Variants in PYGB observed in about 807,000 individuals in gnomAD.
PYGB encodes glycogen phosphorylase B, also known as glycogen phosphorylase, brain form.
PYGB carries 82 observed loss-of-function variants against 94.3 expected under a neutral mutation model. That is an observed-to-expected ratio of 0.87 (90% CI 0.73 to 1.04). The LOEUF (loss-of-function observed/expected upper bound fraction) is 1.04, where lower values mean the gene tolerates loss of function less well. PYGB is among the 50% of genes least tolerant of loss of function. The pLI is 0.00. For synonymous variants in PYGB, 488 were observed against 479.1 expected (o/e 1.02, Z -0.24); for missense variants, 1,132 against 1,158.2 (o/e 0.98, Z 0.33).
At chr20:25,278,902 C>G (rs1283819532) in intron 8 of PYGB, among the ~76,000 whole-genome samples, 155 bp from the exon 9 acceptor site, 1 of 149,690 alleles carries the variant, frequency 6.7e-6, no homozygotes, top group Non-Finnish European at 1.5e-5. Flanking sequence ...ACTGTCCTCC[C>G]TGCTCCCTCC....
intron 14 of PYGB, among the ~76,000 whole-genome samples, chr20:25,284,561 A>G (rs1012722246): frequency 2.0e-5 from 3 of 152,128 alleles, no homozygotes; most frequent in Non-Finnish European, 4.4e-5. Context: ...CAGTCCCCCA[A>G]GTAGCTGGGA....
In PYGB at chr20:25,288,430, AAG is replaced by A. The variant is rs1179338435; in HGVS notation, c.1780_1781del (p.Asp594ProfsTer40). On this transcript the variant is annotated frameshift_variant, in exon 15 of 20. Transcript: ENST00000216962. LOFTEE classifies it high-confidence loss of function. ...CTCTTCCGTGTGTCCTGCAGGAATCAAGAGAGACCCGGCCAAGGCTTTTGTGC... is the reference window on the plus strand; with the variant it reads ...CTCTTCCGTGTGTCCTGCAGGAATCAAGAGACCCGGCCAAGGCTTTTGTGC... ...LHVVTLYNRI[K>X]RDPAKAFVPR... The A allele has an allele frequency of 3.1e-6, 5 of 1,613,938 alleles. No homozygotes were observed. Among genetic ancestry groups the A allele is most frequent in the African/African-American group, 1.3e-5 (1 of 74,868 alleles).
intron 15 of PYGB, 37 bp from the exon 16 acceptor site, chr20:25,290,444 C>T: frequency 6.3e-7 from 1 of 1,593,040 alleles, no homozygotes. Context: ...CTGAACAAGG[C>T]ATTTTTGTGC....
At chr20:25,288,300 G>A (rs1224860872) in intron 14 of PYGB, 125 bp from the exon 15 acceptor site, 3 of 1,089,622 alleles carry the variant, frequency 2.8e-6, no homozygotes, top group African/African-American at 3.1e-5. Context: ...GTGTCTCTGG[G>A]GCTTGAAGTA....
In PYGB at chr20:25,284,209, C is replaced by T. The variant is rs773215976; in HGVS notation, c.1726C>T (p.Arg576Trp). 4.3e-6 allele frequency: 7 copies of T among 1,614,004 alleles called. No homozygotes were observed. Among genetic ancestry groups the T allele is most frequent in the South Asian group, 1.1e-5 (1 of 91,074 alleles). Residue 576 changes from arginine (R) to tryptophan (W), a missense_variant, in exon 14 of 20, where the codon CGG becomes TGG. Transcript: ENST00000216962. ...VHVKRIHEYK[R>W]QLLNCLHVVT... ...TGTGAAGAGGATCCACGAGTACAAG[C>T]GGCAGCTGCTCAACTGCCTGCACGT...
At position 25,292,743 on chromosome 20, in the gene PYGB, G is replaced by T; in HGVS notation, c.2177+130G>T. On this transcript the variant is annotated intron_variant, in intron 17 of 19. Coordinates refer to ENST00000216962, the MANE Select transcript of PYGB (RefSeq NM_002862.4). ...GTGCTAGGGTCAGTGCCCACCCAGGGCTGTGTGCCTGCCTGCAGGGGTGAC... is the reference window on the plus strand; with the variant it reads ...GTGCTAGGGTCAGTGCCCACCCAGGTCTGTGTGCCTGCCTGCAGGGGTGAC... 4.9e-6 allele frequency: 6 copies of T among 1,216,358 alleles called. 1 individual carries two copies. In the South Asian group the frequency reaches 9.1e-5, roughly 19 times the overall value. 75.3% of individuals were successfully genotyped at this position (1,216,358 alleles called of 1,614,324 possible).
intron 1 of PYGB, among the ~76,000 whole-genome samples, chr20:25,252,044 A>G (rs1450814230): frequency 6.6e-6 from 1 of 151,798 alleles, no homozygotes; most frequent in Non-Finnish European, 1.5e-5. Context: ...GAATCCTAAC[A>G]CTCCCAATTT....
At chr20:25,283,305 A>G in intron 13 of PYGB, 28 bp downstream of exon 13, 2 of 1,581,578 alleles carry the variant, frequency 1.3e-6, no homozygotes, top group Admixed American at 1.7e-5. Context: ...CCCAGCCCCG[A>G]CCCCAGCCCT....
At position 25,279,065 on chromosome 20, in the gene PYGB, C is replaced by T; in HGVS notation, c.1008C>T (p.Ile336=). 6.2e-7 allele frequency: 1 copy of T among 1,612,398 alleles called. No individual in the cohort carries two copies. Among genetic ancestry groups the T allele is most frequent in the Non-Finnish European group, 8.5e-7 (1 of 1,178,652 alleles). ...CCTTGTGCGACCTTCAGGTGGCCAT[C>T]CAGCTGAACGACACCCACCCCGCCC... ...CFETFPDKVA[I]QLNDTHPALS... The change falls in exon 9 of 20, where the codon ATC becomes ATT. Residue 336 remains isoleucine (I), a synonymous_variant. Transcript: ENST00000216962.
intron 13 of PYGB, 108 bp from the exon 14 acceptor site, chr20:25,283,996 C>T (rs895185930): frequency 3.6e-5 from 49 of 1,362,264 alleles, no homozygotes; most frequent in Non-Finnish European, 4.6e-5. Flanking sequence ...TATACCCCTG[C>T]CCCCTCCCTG....
chr20:25,280,258 T>C lies in PYGB; in HGVS notation c.1093-8T>C, dbSNP rs2088353379. On this transcript the variant is annotated splice_polypyrimidine_tract_variant and splice_region_variant and intron_variant, in intron 9 of 19. Coordinates refer to ENST00000216962, the MANE Select transcript of PYGB (RefSeq NM_002862.4). ...ACAAACACATGGGAACATTCTCTAATGGCCTAGGCCTGGGAAATCACGAAG... is the reference window on the plus strand; with the variant it reads ...ACAAACACATGGGAACATTCTCTAACGGCCTAGGCCTGGGAAATCACGAAG... 6.8e-6 allele frequency: 11 copies of C among 1,613,398 alleles called. No individual in the cohort carries two copies. The highest frequency in any genetic ancestry group is 1.3e-5 in the African/African-American group (1 of 75,046).
intron 3 of PYGB, among the ~76,000 whole-genome samples, 156 bp from the exon 4 acceptor site, chr20:25,271,227 T>C (rs1369654480): frequency 1.3e-5 from 2 of 152,116 alleles, no homozygotes; most frequent in African/African-American, 2.4e-5. Context: ...CCCCAGGCTC[T>C]CATGGAGAGG....
chr20:25,279,180 C>A, intron 9 of PYGB, 31 bp downstream of exon 9: 3 of 1,602,764 alleles, frequency 1.9e-6, no homozygotes, highest in Non-Finnish European at 2.6e-6. Context: ...CGGCACCTCC[C>A]CAGAGCCTGG....
intron 18 of PYGB, 73 bp downstream of exon 18, chr20:25,294,365 A>G (rs1426800917): frequency 6.7e-7 from 1 of 1,491,514 alleles, no homozygotes; most frequent in Non-Finnish European, 9.2e-7. Context: ...TGGGTTGGAT[A>G]TTCCACCTTG....
intron 3 of PYGB, among the ~76,000 whole-genome samples, chr20:25,270,953 C>T (rs2088261243): frequency 6.6e-6 from 1 of 152,210 alleles, no homozygotes; most frequent in African/African-American, 2.4e-5. Context: ...CAGCCAGCTG[C>T]CACTGCTGTG....
intron 1 of PYGB, among the ~76,000 whole-genome samples, chr20:25,252,321 A>G (rs937575030): frequency 2.6e-5 from 4 of 152,172 alleles, no homozygotes; most frequent in Non-Finnish European, 5.9e-5. Context: ...TTATGTGTCA[A>G]CTTGGCTGTT....
At chr20:25,276,573 T>G (rs1483429613) in intron 5 of PYGB, 73 bp from the exon 6 acceptor site, 2 of 1,319,258 alleles carry the variant, frequency 1.5e-6, no homozygotes, top group East Asian at 2.3e-5. Context: ...AGGAGGAGGC[T>G]GGGCCGGGGA....
intron 18 of PYGB, among the ~76,000 whole-genome samples, 177 bp downstream of exon 18, chr20:25,294,469 C>T (rs115301016): frequency 0.012 from 1,874 of 152,352 alleles, 41 homozygotes; most frequent in African/African-American, 0.041. Flanking sequence ...TGGGAGTTTG[C>T]GATGGCCTCT....
At chr20:25,274,065 T>C (rs2088289373) in intron 4 of PYGB, among the ~76,000 whole-genome samples, 1 of 152,224 alleles carries the variant, frequency 6.6e-6, no homozygotes, top group Non-Finnish European at 1.5e-5. Context: ...ACAGCTTTAT[T>C]GAAATAGAGA....
Sources: gnomAD v4.1 joint callset for allele counts (sites outside exome capture counted in the v4.1 genomes callset) on GRCh38, gnomAD v4.1.1 for gene constraint, MANE v1.5 for transcripts, NCBI Gene and HGNC (gene_info 2026-07-23, HGNC 2026-07-21) for gene names.